CUBN: variants seen among roughly 807,000 people sequenced by gnomAD.
CUBN encodes the protein 460 kDa receptor.
CUBN carries 282 observed loss-of-function variants against 405.3 expected under a neutral mutation model. That is an observed-to-expected ratio of 0.70 (90% CI 0.63 to 0.77). The LOEUF (loss-of-function observed/expected upper bound fraction) is 0.77. CUBN is among the 30% of genes least tolerant of loss of function. The probability of loss-of-function intolerance (pLI) is 0.00; values close to 1 mark genes in which losing one functional copy is unlikely to be tolerated. For synonymous variants in CUBN, 1,684 were observed against 1,617.0 expected (o/e 1.04, Z -0.99); for missense variants, 4,514 against 4,475.2 (o/e 1.01, Z -0.25).
chr10:16,884,856 A>G (rs775211845), intron 56 of CUBN, among the ~76,000 whole-genome samples: 1 of 152,164 alleles, frequency 6.6e-6, no homozygotes, highest in Non-Finnish European at 1.5e-5. Context: ...CACCAAGATG[A>G]CAGATCTAGA....
At chr10:17,115,682 A>T in intron 6 of CUBN, 85 bp from the exon 7 acceptor site, 3 of 1,495,094 alleles carry the variant, frequency 2.0e-6, no homozygotes, top group Non-Finnish European at 2.8e-6. Context: ...AAAATAATTC[A>T]AATTACAAAT....
At chr10:16,825,938 A>T (rs1177252356) in intron 66 of CUBN, among the ~76,000 whole-genome samples, 1 of 152,136 alleles carries the variant, frequency 6.6e-6, no homozygotes, top group Non-Finnish European at 1.5e-5. Context: ...ACATCAAGGA[A>T]TATACAATAT....
intron 41 of CUBN, among the ~76,000 whole-genome samples, 196 bp from the exon 42 acceptor site, chr10:16,925,970 AT>A (rs1345404215): frequency 6.6e-6 from 1 of 152,224 alleles, no homozygotes; most frequent in Non-Finnish European, 1.5e-5. Context: ...TGTGGTGGTC[AT>A]TGAGATCTGG....
chr10:16,910,019 A>G (rs78596621), intron 48 of CUBN, among the ~76,000 whole-genome samples: 5,655 of 152,268 alleles, frequency 0.037, 202 homozygotes, highest in East Asian at 0.14. Flanking sequence ...CTGCACCAGC[A>G]GATCTTCTTT....
intron 6 of CUBN, 39 bp from the exon 7 acceptor site, chr10:17,115,636 T>TTTGGC (rs766941177): frequency 1.2e-6 from 2 of 1,612,752 alleles, no homozygotes; most frequent in South Asian, 2.2e-5. Flanking sequence ...GGGCACGCGC[T>TTTGGC]TTGGGGCCAG....
chr10:17,034,730 C>A (rs1834858756), intron 27 of CUBN, among the ~76,000 whole-genome samples: 1 of 152,150 alleles, frequency 6.6e-6, no homozygotes, highest in Non-Finnish European at 1.5e-5. Flanking sequence ...AGACTGCAAT[C>A]TTTTGTAAAG....
intron 14 of CUBN, among the ~76,000 whole-genome samples, chr10:17,094,224 C>T (rs1324468047): frequency 6.6e-6 from 1 of 151,950 alleles, no homozygotes. Flanking sequence ...TGCTGAGGTT[C>T]CTCTCCCCAA....
intron 59 of CUBN, among the ~76,000 whole-genome samples, chr10:16,864,285 G>T (rs1840100451): frequency 6.6e-6 from 1 of 152,120 alleles, no homozygotes; most frequent in Non-Finnish European, 1.5e-5. Context: ...CTGCAAAGTG[G>T]GTAGGAAAGA....
rs1554818134 is a variant in CUBN at position 17,087,472 on chromosome 10, C to CTTTTTCTTTT, written c.1947+691_1947+692insAAAAGAAAAA. Among the ~76,000 whole-genome samples, 133 of 71,706 alleles carry CTTTTTCTTTT rather than the reference C, an allele frequency of 1.9e-3. 4 individuals carry two copies. The highest frequency in any genetic ancestry group is 5.6e-3 in the African/African-American group (118 of 21,112). The allele number at this position is 71,706 out of a possible 152,430, so 47.0% of individuals were successfully genotyped here. On this transcript the variant is annotated intron_variant, in intron 15 of 66. Coordinates refer to ENST00000377833, the MANE Select transcript of CUBN (RefSeq NM_001081.4). ...CACAATCACTATTATTTTTCTTTTT[C>CTTTTTCTTTT]TTTTTTTTTTTTTTTTTTTTTTAGA... is the stretch of plus-strand genomic sequence containing the variant.
chr10:16,849,156 C>G (rs144709079), intron 60 of CUBN, among the ~76,000 whole-genome samples: 1 of 152,228 alleles, frequency 6.6e-6, no homozygotes, highest in Admixed American at 6.5e-5. Context: ...TTCATCTTTC[C>G]CTTTCTTGGC....
At chr10:16,886,468 C>T (rs2131392804) in intron 56 of CUBN, among the ~76,000 whole-genome samples, 1 of 152,296 alleles carries the variant, frequency 6.6e-6, no homozygotes, top group Non-Finnish European at 1.5e-5. Context: ...AAATAGAAAG[C>T]TGATATGTAA....
At chr10:17,087,479 T>TTA (rs1836144756) in intron 15 of CUBN, among the ~76,000 whole-genome samples, 1 of 115,166 alleles carries the variant, frequency 8.7e-6, no homozygotes, top group African/African-American at 3.1e-5. Context: ...TTTCTTTTTT[T>TTA]TTTTTTTTTT....
Position 16,857,440 on chromosome 10 carries a change from G to A in CUBN, c.9455-5997C>T, listed in dbSNP as rs142166780. 4.6e-5 allele frequency among the ~76,000 whole-genome samples: 7 copies of A among 152,228 alleles called. No individual in the cohort carries two copies. In the East Asian group the frequency reaches 7.7e-4, roughly 17 times the overall value. On this transcript the variant is annotated intron_variant, in intron 59 of 66. Coordinates refer to ENST00000377833, the MANE Select transcript of CUBN (RefSeq NM_001081.4). ...AACTTAGGAGAAGGAAAATTTTATC[G>A]TTATCTTTTAATTTATCTTGCATTA...
intron 29 of CUBN, among the ~76,000 whole-genome samples, chr10:16,988,166 T>C (rs1410053784): frequency 6.6e-6 from 1 of 152,214 alleles, no homozygotes; most frequent in African/African-American, 2.4e-5. Context: ...GGCCCATTTA[T>C]AATTTGCCAA....
chr10:16,830,443 A>G (rs1838951262), intron 65 of CUBN, among the ~76,000 whole-genome samples: 1 of 152,210 alleles, frequency 6.6e-6, no homozygotes, highest in Non-Finnish European at 1.5e-5. Flanking sequence ...CTTGAATTAA[A>G]TGTATTGACA....
chr10:16,973,198 C>T (rs59030005), intron 31 of CUBN, among the ~76,000 whole-genome samples: 7,007 of 152,210 alleles, frequency 0.046, 328 homozygotes, highest in East Asian at 0.18. Flanking sequence ...CCCAAATGTG[C>T]GTGCACCATT....
At chr10:16,961,980 G>A (rs1353732359) in intron 31 of CUBN, among the ~76,000 whole-genome samples, 4 of 152,126 alleles carry the variant, frequency 2.6e-5, no homozygotes, top group Admixed American at 6.5e-5. Flanking sequence ...CCAAAGTGCT[G>A]GGATTACAGG....
At chr10:16,911,973 T>C (rs895789245) in intron 48 of CUBN, among the ~76,000 whole-genome samples, 3 of 152,166 alleles carry the variant, frequency 2.0e-5, no homozygotes, top group South Asian at 4.1e-4. Flanking sequence ...AAATGTGGTA[T>C]AGTGGGAGTG....
At chr10:17,106,144 G>A (rs984655039) in intron 10 of CUBN, among the ~76,000 whole-genome samples, 1 of 151,898 alleles carries the variant, frequency 6.6e-6, no homozygotes, top group East Asian at 1.9e-4. Context: ...AATTAGCCAG[G>A]CATGGTGGCA....
Sources: allele counts gnomAD v4.1 joint callset (sites outside exome capture counted in the v4.1 genomes callset), GRCh38; gene constraint gnomAD v4.1.1; transcripts MANE v1.5; gene names NCBI Gene and HGNC (gene_info 2026-07-23, HGNC 2026-07-21).